The following RALGAPA1 variants were observed in gnomAD, a reference collection of about 807,000 sequenced individuals.
The protein encoded by RALGAPA1 is Ral GTPase activating protein catalytic subunit alpha 1, also known as ral GTPase-activating protein subunit alpha-1.
Under a neutral mutation model 269.6 loss-of-function variants are expected in RALGAPA1, and 52 were observed. The ratio of observed to expected loss-of-function variants is 0.19; its 90% CI spans 0.15 to 0.24. The LOEUF (loss-of-function observed/expected upper bound fraction) is 0.24, where lower values mean the gene tolerates loss of function less well. RALGAPA1 is among the 10% of genes least tolerant of loss of function. The pLI, the probability that RALGAPA1 is intolerant of heterozygous loss-of-function variation, is 1.00. For synonymous variants in RALGAPA1, 817 were observed against 1,008.3 expected (o/e 0.81, Z 3.60); for missense variants, 1,917 against 3,013.9 (o/e 0.64, Z 8.52).
Position 35,647,938 on chromosome 14 carries a change from A to C in RALGAPA1, c.5676+3867T>G, listed in dbSNP as rs140690664. 7.5e-3 allele frequency among the ~76,000 whole-genome samples: 1,139 copies of C among 151,628 alleles called. 17 individuals are homozygous for C. Among genetic ancestry groups the C allele is most frequent in the African/African-American group, 0.026 (1,081 of 41,312 alleles). ...ACTCCAGCCTGGGTGACACAGCGAA[A>C]CTCCGTCTCTAAATAAATAAATAAA... On this transcript the variant is annotated intron_variant, in intron 31 of 41. Coordinates refer to ENST00000680220, the MANE Select transcript of RALGAPA1 (RefSeq NM_001346249.2).
At chr14:35,578,964 CA>C (rs921786860) in intron 37 of RALGAPA1, among the ~76,000 whole-genome samples, 5 of 152,164 alleles carry the variant, frequency 3.3e-5, no homozygotes, top group African/African-American at 1.2e-4. Flanking sequence ...CAAAAATAAA[CA>C]AGGTAAACTT....
Position 35,702,743 on chromosome 14 carries a change from A to T in RALGAPA1, c.2267-2441T>A, listed in dbSNP as rs1304497917. Among the ~76,000 whole-genome samples, 35 of 141,800 alleles carry T rather than the reference A, an allele frequency of 2.5e-4. 1 individual carries two copies. The highest frequency in any genetic ancestry group is 8.5e-4 in the African/African-American group (33 of 38,928). The allele number at this position is 141,800 out of a possible 152,430, so 93.0% of individuals were successfully genotyped here. The stretch of plus-strand genomic sequence containing the variant: ...AAAAAAAAAATATATATATATATAC[A>T]TTTTTTTTTTTTTTGAGACGGAGTC... On this transcript the variant is annotated intron_variant, in intron 16 of 41. Transcript: ENST00000680220.
chr14:35,557,310 A>C (rs1190369106), intron 39 of RALGAPA1, among the ~76,000 whole-genome samples: 1 of 151,934 alleles, frequency 6.6e-6, no homozygotes. Flanking sequence ...GAAAAAAAAA[A>C]AAAACCCAAA....
In RALGAPA1 at chr14:35,805,570, G is replaced by T. The variant is rs556777524; in HGVS notation, c.106+3160C>A. On this transcript the variant is annotated intron_variant, in intron 1 of 41. Transcript: ENST00000680220. ...AATCTAGGGTGACAGCAGATTAGTG[G>T]TTGCTCAGGAAAGGTGGGAGGGTAC... 1.3e-5 allele frequency among the ~76,000 whole-genome samples: 2 copies of T among 152,026 alleles called. 1 individual carries two copies. Among genetic ancestry groups the T allele is most frequent in the South Asian group, 4.2e-4 (2 of 4,818 alleles).
At chr14:35,768,605 G>A (rs2074335476) in intron 4 of RALGAPA1, among the ~76,000 whole-genome samples, 1 of 152,060 alleles carries the variant, frequency 6.6e-6, no homozygotes, top group South Asian at 2.1e-4. Context: ...TGAGTAGGGG[G>A]ATGGCTTAAG....
intron 12 of RALGAPA1, among the ~76,000 whole-genome samples, chr14:35,729,805 T>C (rs2070301524): frequency 6.6e-6 from 1 of 152,116 alleles, no homozygotes; most frequent in Non-Finnish European, 1.5e-5. Flanking sequence ...CCCCAAACTT[T>C]TGCAGATCAA....
chr14:35,654,646 C>T (rs1267619433), intron 29 of RALGAPA1, among the ~76,000 whole-genome samples, 169 bp from the exon 30 acceptor site: 2 of 152,146 alleles, frequency 1.3e-5, no homozygotes, highest in Non-Finnish European at 2.9e-5. Flanking sequence ...ACAACACATT[C>T]CAAAGACACA....
At chr14:35,782,302 T>C (rs952148704) in intron 1 of RALGAPA1, among the ~76,000 whole-genome samples, 4 of 152,166 alleles carry the variant, frequency 2.6e-5, no homozygotes, top group Admixed American at 2.0e-4. Flanking sequence ...CTACAAAACA[T>C]TACTGAAAAA....
intron 1 of RALGAPA1, among the ~76,000 whole-genome samples, chr14:35,796,814 T>TAGG (rs2076595853): frequency 6.6e-6 from 1 of 150,750 alleles, no homozygotes; most frequent in Non-Finnish European, 1.5e-5. Context: ...GGAGTCTCGC[T>TAGG]CTGTTGCCTA....
chr14:35,755,877 G>C (rs1216881638), intron 7 of RALGAPA1, among the ~76,000 whole-genome samples: 1 of 152,082 alleles, frequency 6.6e-6, no homozygotes, highest in Non-Finnish European at 1.5e-5. Context: ...TTTGTGTTTG[G>C]AGCCATTATA....
chr14:35,733,393 C>T (rs1803342186), intron 12 of RALGAPA1, among the ~76,000 whole-genome samples: 1 of 152,112 alleles, frequency 6.6e-6, no homozygotes, highest in Non-Finnish European at 1.5e-5. Context: ...AGGAGAATTG[C>T]TTGAACCCGG....
At chr14:35,580,708 A>T (rs1392202503) in intron 37 of RALGAPA1, among the ~76,000 whole-genome samples, 3 of 152,212 alleles carry the variant, frequency 2.0e-5, no homozygotes, top group African/African-American at 7.2e-5. Context: ...TACAAATCAC[A>T]TATTTTAAAT....
chr14:35,766,410 G>C (rs1422054143), intron 4 of RALGAPA1: 1 of 1,571,584 alleles, frequency 6.4e-7, no homozygotes, highest in Admixed American at 1.8e-5. Flanking sequence ...ATTATCAAGT[G>C]AAGTACAGTC....
intron 14 of RALGAPA1, chr14:35,723,480 A>G (rs2069617255): frequency 5.3e-6 from 2 of 375,576 alleles, no homozygotes; most frequent in Non-Finnish European, 9.6e-6. Flanking sequence ...AACACCCAGC[A>G]ATCTAAAAAG....
At chr14:35,692,924 T>C (rs2066613095) in intron 17 of RALGAPA1, among the ~76,000 whole-genome samples, 1 of 151,990 alleles carries the variant, frequency 6.6e-6, no homozygotes. Flanking sequence ...CCAGGTATTG[T>C]TGTAAGCATC....
intron 37 of RALGAPA1, among the ~76,000 whole-genome samples, chr14:35,591,833 G>A (rs2058657598): frequency 6.6e-6 from 1 of 152,138 alleles, no homozygotes; most frequent in African/African-American, 2.4e-5. Context: ...AACCTGGTGG[G>A]AGGTGACTGG....
chr14:35,717,442 G>A lies in RALGAPA1; in HGVS notation c.2266+4246C>T, dbSNP rs151255321. 1.1e-4 allele frequency among the ~76,000 whole-genome samples: 16 copies of A among 152,270 alleles called. No individual in the cohort carries two copies. The East Asian group carries it at 2.5e-3, about 24-fold the overall frequency. ...TGGGATTACAGGCGTGAGCCACTGC[G>A]CCCAGCCTATTCTACACCATTTTTA... On this transcript the variant is annotated intron_variant, in intron 16 of 41. Transcript: ENST00000680220.
intron 39 of RALGAPA1, among the ~76,000 whole-genome samples, chr14:35,558,102 AT>A (rs2055809435): frequency 6.6e-6 from 1 of 152,162 alleles, no homozygotes; most frequent in Non-Finnish European, 1.5e-5. Flanking sequence ...ACAATATTTC[AT>A]AAAAAAGGAA....
At chr14:35,546,530 G>A (rs543585342) in intron 41 of RALGAPA1, among the ~76,000 whole-genome samples, 1 of 151,726 alleles carries the variant, frequency 6.6e-6, no homozygotes, top group African/African-American at 2.4e-5. Flanking sequence ...GGGTTGGTTA[G>A]ACAGAATATA....
Sources: gnomAD v4.1 joint callset for allele counts (sites outside exome capture counted in the v4.1 genomes callset) on GRCh38, gnomAD v4.1.1 for gene constraint, MANE v1.5 for transcripts, NCBI Gene and HGNC (gene_info 2026-07-23, HGNC 2026-07-21) for gene names.